Variants in ZNF423 observed in about 807,000 individuals in gnomAD.
The protein encoded by ZNF423 is Ebf-associated zinc finger protein.
ZNF423 carries 12 observed loss-of-function variants against 95.8 expected under a neutral mutation model. That is an observed-to-expected ratio of 0.13 (90% CI 0.08 to 0.20). The LOEUF (loss-of-function observed/expected upper bound fraction) is 0.20. Among genes scored for constraint, ZNF423 ranks in the 10% least tolerant of loss-of-function variants. ZNF423 has a pLI of 1.00. For missense variants in ZNF423, 1,316 were observed against 1,737.1 expected (o/e 0.76, Z 4.31); for synonymous variants, 749 against 711.9 (o/e 1.05, Z -0.83).
At chr16:49,616,660 A>G (rs1487004924) in intron 5 of ZNF423, among the ~76,000 whole-genome samples, 2 of 152,208 alleles carry the variant, frequency 1.3e-5, no homozygotes, top group African/African-American at 4.8e-5. Flanking sequence ...GAATGAATGA[A>G]GGAATAAATG....
intron 2 of ZNF423, among the ~76,000 whole-genome samples, chr16:49,749,830 G>A (rs563233635): frequency 8.5e-5 from 13 of 152,152 alleles, no homozygotes; most frequent in Non-Finnish European, 1.9e-4. Context: ...TCTTAGAAAA[G>A]GTTTCCTCGC....
intron 7 of ZNF423, among the ~76,000 whole-genome samples, chr16:49,494,213 T>C (rs1967073697): frequency 6.6e-6 from 1 of 152,218 alleles, no homozygotes; most frequent in Non-Finnish European, 1.5e-5. Context: ...ACAGTGTGCC[T>C]GCCCACTTAA....
In ZNF423 at chr16:49,506,899, GGATGGATGAGTA is replaced by G. The variant is rs1008810784; in HGVS notation, c.3850-15607_3850-15596del. Among the ~76,000 whole-genome samples the G allele has an allele frequency of 3.8e-3, 577 of 152,136 alleles. 4 individuals carry two copies. The highest frequency in any genetic ancestry group is 0.013 in the African/African-American group (555 of 41,496). ...TGGATGAGTAGATGGATTGGTGAGT[GGATGGATGAGTA>G]GATGGATTGGTGGGTGGATGGATAA... On this transcript the variant is annotated intron_variant, in intron 7 of 7. Coordinates refer to ENST00000563137, the MANE Select transcript of ZNF423 (RefSeq NM_001379286.1).
At chr16:49,772,430 C>A (rs2034052106) in intron 2 of ZNF423, among the ~76,000 whole-genome samples, 1 of 152,242 alleles carries the variant, frequency 6.6e-6, no homozygotes, top group South Asian at 2.1e-4. Context: ...GCTGTCTGGG[C>A]AGCCCTTAGC....
In ZNF423 at chr16:49,686,035, C is replaced by T. The variant is rs569124958; in HGVS notation, c.301+44736G>A. ...TGTCCATTCTTCAAAGAAGCCTTTG[C>T]TTCTCTCTCATGCCCCATGCTCTTC... is the stretch of plus-strand genomic sequence containing the variant. On this transcript the variant is annotated intron_variant, in intron 3 of 7. Transcript: ENST00000563137. Among the ~76,000 whole-genome samples the T allele has an allele frequency of 1.4e-4, 21 of 152,320 alleles. No homozygotes were observed. The South Asian group carries it at 4.1e-3, about 30-fold the overall frequency.
chr16:49,592,858 T>A (rs1971052605), intron 5 of ZNF423, among the ~76,000 whole-genome samples: 1 of 152,226 alleles, frequency 6.6e-6, no homozygotes, highest in Admixed American at 6.5e-5. Flanking sequence ...GTCTTCACTC[T>A]GCGATGCCCA....
At chr16:49,621,395 GGA>G (rs1347534110) in intron 5 of ZNF423, among the ~76,000 whole-genome samples, 3 of 152,190 alleles carry the variant, frequency 2.0e-5, no homozygotes, top group Non-Finnish European at 4.4e-5. Context: ...GCAGCAGCCA[GGA>G]GAGGGGTGCT....
intron 5 of ZNF423, among the ~76,000 whole-genome samples, chr16:49,617,391 C>T (rs914188270): frequency 3.9e-5 from 6 of 152,210 alleles, no homozygotes; most frequent in Admixed American, 2.6e-4. Flanking sequence ...AGGGAAATTG[C>T]CCATGCATCA....
At chr16:49,525,552 G>A in intron 5 of ZNF423, 58 bp from the exon 6 acceptor site, 2 of 1,606,036 alleles carry the variant, frequency 1.2e-6, no homozygotes, top group South Asian at 1.1e-5. Context: ...CCAGACAGGT[G>A]CTCACAAGGC....
intron 5 of ZNF423, among the ~76,000 whole-genome samples, chr16:49,601,487 G>A (rs1013863639): frequency 2.0e-5 from 3 of 152,204 alleles, no homozygotes; most frequent in Non-Finnish European, 2.9e-5. Context: ...ACGGAACCTG[G>A]TTAACATTGT....
chr16:49,643,938 G>A (rs943141583), intron 3 of ZNF423, among the ~76,000 whole-genome samples: 2 of 152,214 alleles, frequency 1.3e-5, no homozygotes, highest in African/African-American at 2.4e-5. Context: ...GGTCACACTT[G>A]GTGACCAGCA....
At chr16:49,589,678 A>G (rs1970946315) in intron 5 of ZNF423, among the ~76,000 whole-genome samples, 1 of 152,184 alleles carries the variant, frequency 6.6e-6, no homozygotes, top group Non-Finnish European at 1.5e-5. Context: ...AGCAAGGCTG[A>G]TAATTTAAAT....
In ZNF423 at chr16:49,488,919, G is replaced by A. The variant is rs573241691; in HGVS notation, c.*2356C>T. 5.7e-3 allele frequency: 864 copies of A among 152,786 alleles called. 7 individuals are homozygous for A. Among genetic ancestry groups the A allele is most frequent in the Non-Finnish European group, 9.2e-3 (630 of 68,460 alleles). 9.5% of individuals were successfully genotyped at this position (152,786 alleles called of 1,614,324 possible). On this transcript the variant is annotated 3_prime_UTR_variant, in exon 8 of 8. Coordinates refer to ENST00000563137, the MANE Select transcript of ZNF423 (RefSeq NM_001379286.1). ...GACAGAGCCAGCCGGAGAACAATGC[G>A]GCCGGGGTGAGGGGGGAGTCGGTGG...
intron 3 of ZNF423, among the ~76,000 whole-genome samples, chr16:49,673,106 C>A (rs1016605942): frequency 6.6e-6 from 1 of 152,208 alleles, no homozygotes; most frequent in Non-Finnish European, 1.5e-5. Context: ...CCCTACCTGA[C>A]ACAGTCTGCA....
At chr16:49,734,630 G>A (rs2033243727) in intron 2 of ZNF423, among the ~76,000 whole-genome samples, 1 of 152,172 alleles carries the variant, frequency 6.6e-6, no homozygotes, top group African/African-American at 2.4e-5. Flanking sequence ...CTCAGGGAAG[G>A]CCCGAGCCAA....
chr16:49,506,211 T>G (rs1014699856), intron 7 of ZNF423, among the ~76,000 whole-genome samples: 1 of 152,102 alleles, frequency 6.6e-6, no homozygotes, highest in Non-Finnish European at 1.5e-5. Context: ...TGGAGGGTGA[T>G]GATGGTGAAA....
At chr16:49,696,784 G>T (rs2031991276) in intron 3 of ZNF423, among the ~76,000 whole-genome samples, 1 of 152,196 alleles carries the variant, frequency 6.6e-6, no homozygotes, top group Non-Finnish European at 1.5e-5. Context: ...AGGGTGGAAG[G>T]TTAATGTGGC....
intron 5 of ZNF423, among the ~76,000 whole-genome samples, chr16:49,550,095 TG>T (rs2151751675): frequency 6.6e-6 from 1 of 152,310 alleles, no homozygotes; most frequent in African/African-American, 2.4e-5. Flanking sequence ...CTCGAACTCC[TG>T]GCCTTAAGCA....
rs1478642705 is a variant in ZNF423 at position 49,492,418 on chromosome 16, T to A, written c.3850-1114A>T. On this transcript the variant is annotated intron_variant, in intron 7 of 7. Transcript: ENST00000563137. This position sits in a 1 kb window ranked among gnomAD's most constrained non-coding sequence, Gnocchi z 4.2. The stretch of plus-strand genomic sequence containing the variant: ...CAGAGGCACCGCGTCTCTCCTGGGC[T>A]CGGGTCCGCGGCGAGGGCGACCAGG... 6.6e-6 allele frequency among the ~76,000 whole-genome samples: 1 copy of A among 152,080 alleles called. No homozygotes were observed. Among genetic ancestry groups the A allele is most frequent in the Non-Finnish European group, 1.5e-5 (1 of 67,978 alleles).
Sources: gnomAD v4.1 joint callset for allele counts (sites outside exome capture counted in the v4.1 genomes callset) on GRCh38, gnomAD v4.1.1 for gene constraint, Gnocchi (gnomAD v3.1) non-coding constraint, MANE v1.5 for transcripts, NCBI Gene and HGNC (gene_info 2026-07-23, HGNC 2026-07-21) for gene names.